Variants in LDB2 observed in about 807,000 individuals in gnomAD.
The protein encoded by LDB2 is LIM domain-binding protein 2.
A neutral mutation model predicts 44.3 loss-of-function variants in LDB2; 12 were observed. The ratio of observed to expected loss-of-function variants is 0.27; its 90% CI spans 0.17 to 0.44. The LOEUF is 0.44. LDB2 is among the 20% of genes least tolerant of loss of function. LDB2 has a pLI of 1.00. For synonymous variants in LDB2, 164 were observed against 174.8 expected (o/e 0.94, Z 0.49); for missense variants, 344 against 473.5 (o/e 0.73, Z 2.54).
chr4:16,525,128 T>C (rs2152285957), intron 5 of LDB2, among the ~76,000 whole-genome samples: 1 of 152,292 alleles, frequency 6.6e-6, no homozygotes, highest in South Asian at 2.1e-4. Flanking sequence ...TACACCTGCC[T>C]CCTGCCCTGG....
At chr4:16,693,339 C>T (rs1307162683) in intron 2 of LDB2, among the ~76,000 whole-genome samples, 3 of 143,524 alleles carry the variant, frequency 2.1e-5, no homozygotes, top group Non-Finnish European at 4.5e-5. Context: ...TTCCCTAGAG[C>T]AATAGTTCTT....
chr4:16,805,183 GACCCTAATT>G (rs1778551747), intron 1 of LDB2, among the ~76,000 whole-genome samples: 1 of 152,126 alleles, frequency 6.6e-6, no homozygotes, highest in African/African-American at 2.4e-5. Context: ...CATGTTATCT[GACCCTAATT>G]ACCTCCCAGA....
intron 2 of LDB2, among the ~76,000 whole-genome samples, chr4:16,746,857 C>A (rs921221722): frequency 2.0e-5 from 3 of 152,080 alleles, no homozygotes; most frequent in African/African-American, 7.2e-5. Flanking sequence ...TTCCTAATTT[C>A]CGGGGAATGG....
chr4:16,660,632 C>T (rs1741314536), intron 2 of LDB2, among the ~76,000 whole-genome samples: 1 of 152,166 alleles, frequency 6.6e-6, no homozygotes, highest in Non-Finnish European at 1.5e-5. Flanking sequence ...ATGAGGTAGA[C>T]ATCAAGACTT....
chr4:16,821,488 A>G (rs1051349724), intron 1 of LDB2, among the ~76,000 whole-genome samples: 3 of 149,068 alleles, frequency 2.0e-5, no homozygotes, highest in African/African-American at 7.4e-5. Flanking sequence ...GGTTCACGCC[A>G]TTCTCCTGCC....
chr4:16,656,082 A>G (rs1739763299), intron 2 of LDB2, among the ~76,000 whole-genome samples: 1 of 151,666 alleles, frequency 6.6e-6, no homozygotes, highest in Admixed American at 6.6e-5. Context: ...TGTATTTTTT[A>G]GTAGAGACGG....
intron 5 of LDB2, among the ~76,000 whole-genome samples, chr4:16,569,639 A>T (rs1465205793): frequency 6.6e-6 from 1 of 152,100 alleles, no homozygotes; most frequent in Non-Finnish European, 1.5e-5. Context: ...TAGGCAGATA[A>T]ACCTGGGTCA....
At chr4:16,687,237 T>C (rs1749479233) in intron 2 of LDB2, among the ~76,000 whole-genome samples, 1 of 152,182 alleles carries the variant, frequency 6.6e-6, no homozygotes, top group Admixed American at 6.5e-5. Flanking sequence ...TCCTCCAATT[T>C]AATAGTATTA....
chr4:16,515,440 A>AG (rs1436358436), intron 5 of LDB2, among the ~76,000 whole-genome samples: 1 of 152,236 alleles, frequency 6.6e-6, no homozygotes, highest in African/African-American at 2.4e-5. Flanking sequence ...TTGTAAAAAA[A>AG]GATGCTTTGC....
intron 7 of LDB2, among the ~76,000 whole-genome samples, chr4:16,505,687 C>T (rs553670891): frequency 6.6e-6 from 1 of 151,250 alleles, no homozygotes; most frequent in South Asian, 2.1e-4. Flanking sequence ...CCTGTGTGTC[C>T]ACGAGAGACA....
At chr4:16,875,709 C>G (rs115361434) in intron 1 of LDB2, among the ~76,000 whole-genome samples, 183 of 152,232 alleles carry the variant, frequency 1.2e-3, no homozygotes, top group Non-Finnish European at 2.1e-3. Context: ...TGCTGCAGAG[C>G]GAAGAGACAT....
At chr4:16,636,782 A>C (rs1029640120) in intron 2 of LDB2, among the ~76,000 whole-genome samples, 1 of 152,176 alleles carries the variant, frequency 6.6e-6, no homozygotes, top group East Asian at 1.9e-4. Flanking sequence ...TGCCAGCAAA[A>C]ACAAAAAGAA....
chr4:16,706,715 T>C (rs1289604256), intron 2 of LDB2, among the ~76,000 whole-genome samples: 1 of 152,198 alleles, frequency 6.6e-6, no homozygotes, highest in Non-Finnish European at 1.5e-5. Context: ...AACTCAAACG[T>C]AGAAGAAATC....
chr4:16,561,222 A>G lies in LDB2; in HGVS notation c.615+24700T>C, dbSNP rs1428334740. On this transcript the variant is annotated intron_variant, in intron 5 of 7. Coordinates refer to ENST00000304523, the MANE Select transcript of LDB2 (RefSeq NM_001290.5). ...AGTGTTGGAAGTTCTGGCCAGGGCA[A>G]TTAGGCAGGAGAAGGAAATAAAGGG... 2.6e-5 allele frequency among the ~76,000 whole-genome samples: 4 copies of G among 152,150 alleles called. No individual in the cohort carries two copies. In the East Asian group the frequency reaches 5.8e-4, roughly 22 times the overall value.
chr4:16,587,150 A>G (rs576726718), intron 4 of LDB2, among the ~76,000 whole-genome samples: 7 of 152,312 alleles, frequency 4.6e-5, no homozygotes, highest in African/African-American at 1.7e-4. Flanking sequence ...ATTTCAGTCA[A>G]AAGACAGGAA....
intron 2 of LDB2, among the ~76,000 whole-genome samples, chr4:16,739,586 A>AT (rs1561053589): frequency 0.021 from 1,519 of 72,300 alleles, 305 homozygotes; most frequent in East Asian, 0.077. Flanking sequence ...AAAAAAAAAA[A>AT]AAAATATATA....
chr4:16,859,835 C>G (rs1171506902), intron 1 of LDB2, among the ~76,000 whole-genome samples: 1 of 152,176 alleles, frequency 6.6e-6, no homozygotes, highest in Non-Finnish European at 1.5e-5. Context: ...AGCAGTGATA[C>G]AGATAATTAT....
intron 2 of LDB2, among the ~76,000 whole-genome samples, chr4:16,689,481 G>A (rs1750088643): frequency 6.6e-6 from 1 of 152,188 alleles, no homozygotes. Flanking sequence ...AACAGCCTGT[G>A]AGCTTTTCAA....
At chr4:16,557,825 G>A (rs975702259) in intron 5 of LDB2, among the ~76,000 whole-genome samples, 6 of 152,170 alleles carry the variant, frequency 3.9e-5, no homozygotes, top group Non-Finnish European at 8.8e-5. Context: ...CCCAGTAGGG[G>A]CAGACTGACA....
Sources: gnomAD v4.1 joint callset for allele counts (sites outside exome capture counted in the v4.1 genomes callset) on GRCh38, gnomAD v4.1.1 for gene constraint, MANE v1.5 for transcripts, NCBI Gene and HGNC (gene_info 2026-07-23, HGNC 2026-07-21) for gene names.